Variants in CD8B observed in about 807,000 individuals in gnomAD.
CD8B encodes the protein CD8 subunit beta.
A neutral mutation model predicts 24.2 loss-of-function variants in CD8B; 6 were observed. The observed-to-expected ratio is 0.25, with a 90% CI of 0.14 to 0.49. The LOEUF (loss-of-function observed/expected upper bound fraction) is 0.49. Ranked by LOEUF, CD8B falls within the 20% of genes least tolerant of loss-of-function variation. The pLI, the probability that CD8B is intolerant of heterozygous loss-of-function variation, is 0.98. For synonymous variants in CD8B, 84 were observed against 108.3 expected, an observed-to-expected ratio of 0.78 and a Z score of 1.39; for missense variants, 196 against 271.3, an observed-to-expected ratio of 0.72 and a Z score of 1.95.
chr2:86,845,471 A>AT lies in CD8B; in HGVS notation c.584-514dup, dbSNP rs797015027. On this transcript the variant is annotated intron_variant, in intron 4 of 5. Transcript: ENST00000390655. ...CCTTTATTACTTTTGATTTTCATTTATTTTTTTAGGAATGGGGTCTTATTA... is the reference window on the plus strand; with the variant it reads ...CCTTTATTACTTTTGATTTTCATTTATTTTTTTTAGGAATGGGGTCTTATTA... Among the ~76,000 whole-genome samples, 3 of 152,022 alleles carry AT rather than the reference A, an allele frequency of 2.0e-5. No individual in the cohort carries two copies. The South Asian group carries it at 6.2e-4, about 32-fold the overall frequency.
intron 5 of CD8B, among the ~76,000 whole-genome samples, chr2:86,828,461 T>C (rs535030741): frequency 6.6e-6 from 1 of 152,318 alleles, no homozygotes; most frequent in East Asian, 1.9e-4. Context: ...TTGTTTCCCC[T>C]TCAGAGGAGG....
intron 5 of CD8B, among the ~76,000 whole-genome samples, chr2:86,830,617 A>G (rs146592326): frequency 4.8e-4 from 73 of 152,204 alleles, no homozygotes; most frequent in East Asian, 3.3e-3. Context: ...AATATCATGA[A>G]TATTTTCGTG....
chr2:86,859,342 T>C (rs994027009), intron 1 of CD8B, among the ~76,000 whole-genome samples: 3 of 152,130 alleles, frequency 2.0e-5, no homozygotes, highest in African/African-American at 7.2e-5. Context: ...CAGGGGCTTA[T>C]TCATGAGGAG....
intron 5 of CD8B, among the ~76,000 whole-genome samples, chr2:86,816,126 T>G (rs1674234278): frequency 6.6e-6 from 1 of 152,208 alleles, no homozygotes; most frequent in Admixed American, 6.5e-5. Context: ...ACCTGCAAAT[T>G]AGTTTTCTGC....
chr2:86,854,582 C>T (rs1306295454), intron 2 of CD8B, among the ~76,000 whole-genome samples: 2 of 152,194 alleles, frequency 1.3e-5, no homozygotes, highest in South Asian at 2.1e-4. Flanking sequence ...ACCCAGTGAC[C>T]CCTGCTGAAG....
Position 86,861,815 on chromosome 2 carries a change from C to A in CD8B, c.43+8G>T. 1 of 1,274,074 alleles carries A rather than the reference C, an allele frequency of 7.8e-7. No individual in the cohort carries two copies. The highest frequency in any genetic ancestry group is 2.8e-5 in the South Asian group (1 of 35,188). The allele number at this position is 1,274,074 out of a possible 1,614,324, so 78.9% of individuals were successfully genotyped here. ...GACCCTTGGGTAGCCCGCGCGCCGC[C>A]GCCTTACCTGTCAGCTGCGCGGCCA... On this transcript the variant is annotated splice_region_variant and intron_variant, in intron 1 of 5. Transcript: ENST00000390655.
chr2:86,861,408 G>C (rs536823161), intron 1 of CD8B, among the ~76,000 whole-genome samples: 1 of 152,090 alleles, frequency 6.6e-6, no homozygotes, highest in African/African-American at 2.4e-5. Flanking sequence ...ACACTTCCCC[G>C]GAAGTAATAA....
intron 5 of CD8B, among the ~76,000 whole-genome samples, chr2:86,818,315 C>T (rs1674336874): frequency 1.3e-5 from 2 of 152,160 alleles, no homozygotes; most frequent in South Asian, 4.1e-4. Context: ...GTTTAAAGTA[C>T]AGGCATACCT....
intron 5 of CD8B, among the ~76,000 whole-genome samples, chr2:86,825,997 A>G (rs953482015): frequency 1.3e-5 from 2 of 152,088 alleles, no homozygotes; most frequent in African/African-American, 4.8e-5. Flanking sequence ...GGGGGAAAAC[A>G]TCCATGACAG....
chr2:86,856,104 G>A (rs562566126), intron 2 of CD8B, among the ~76,000 whole-genome samples: 137 of 152,300 alleles, frequency 9.0e-4, no homozygotes, highest in African/African-American at 2.6e-3. Context: ...GGTGGGGTTC[G>A]GCTCCGAAGA....
intron 5 of CD8B, chr2:86,815,736 A>G: frequency 7.4e-7 from 1 of 1,349,470 alleles, no homozygotes; most frequent in South Asian, 1.2e-5. Flanking sequence ...AAAGAAAAAC[A>G]AGAGAGTCTC....
chr2:86,859,117 C>T (rs924247184), intron 1 of CD8B, among the ~76,000 whole-genome samples: 54 of 152,038 alleles, frequency 3.6e-4, no homozygotes, highest in African/African-American at 1.2e-3. Flanking sequence ...CGAAGGAGAC[C>T]CAGGACAGGC....
intron 5 of CD8B, among the ~76,000 whole-genome samples, chr2:86,832,017 C>CA (rs1674921163): frequency 6.6e-6 from 1 of 151,970 alleles, no homozygotes; most frequent in Admixed American, 6.6e-5. Flanking sequence ...AGGAAGGTAT[C>CA]AGTGAGTGGG....
intron 5 of CD8B, among the ~76,000 whole-genome samples, chr2:86,818,099 A>T (rs747500803): frequency 5.3e-5 from 8 of 152,044 alleles, no homozygotes; most frequent in Admixed American, 1.3e-4. Context: ...GGTCCCAGCT[A>T]CTCAGGAGGC....
downstream of CD8B, among the ~76,000 whole-genome samples, chr2:86,836,393 A>G (rs1398521402): frequency 1.3e-5 from 2 of 152,232 alleles, no homozygotes; most frequent in East Asian, 3.9e-4. Context: ...CTGGGGGCCC[A>G]ACTATGTCCA....
In CD8B at chr2:86,841,592, T is replaced by G; in HGVS notation, c.*715A>C. ...ATGTCACAGGAGCCGTTTGTTATCTTTAACCTGGGACTTTATTTGTACAAC... is the reference window on the plus strand; with the variant it reads ...ATGTCACAGGAGCCGTTTGTTATCTGTAACCTGGGACTTTATTTGTACAAC... On this transcript the variant is annotated 3_prime_UTR_variant, in exon 6 of 6. Transcript: ENST00000390655. 1 of 985,290 alleles carries G rather than the reference T, an allele frequency of 1.0e-6. No individual in the cohort carries two copies. The highest frequency in any genetic ancestry group is 1.2e-6 in the Non-Finnish European group (1 of 829,836). 61.0% of individuals were successfully genotyped at this position (985,290 alleles called of 1,614,324 possible).
intron 5 of CD8B, among the ~76,000 whole-genome samples, chr2:86,827,248 T>TA (rs75183084): frequency 0.039 from 5,620 of 143,418 alleles, 181 homozygotes; most frequent in East Asian, 0.12. Context: ...TCTTTTGAGT[T>TA]AAAAAAAAAA....
chr2:86,821,792 C>T (rs1573486570), intron 5 of CD8B: 1 of 396,872 alleles, frequency 2.5e-6, no homozygotes, highest in Middle Eastern at 3.6e-4. Context: ...CCCCACAAAC[C>T]CCGTCCTCTC....
chr2:86,816,018 T>C (rs1000375376), intron 5 of CD8B, among the ~76,000 whole-genome samples: 1 of 152,188 alleles, frequency 6.6e-6, no homozygotes, highest in Non-Finnish European at 1.5e-5. Flanking sequence ...AAAGTTAATA[T>C]CATTTGGGAA....
Sources: allele counts gnomAD v4.1 joint callset (sites outside exome capture counted in the v4.1 genomes callset), GRCh38; gene constraint gnomAD v4.1.1; transcripts MANE v1.5; gene names NCBI Gene and HGNC (gene_info 2026-07-23, HGNC 2026-07-21).